Variants in SLC9A9 observed in about 807,000 individuals in gnomAD.
SLC9A9 encodes sodium/hydrogen exchanger 9.
A neutral mutation model predicts 77.8 loss-of-function variants in SLC9A9; 62 were observed. The ratio of observed to expected loss-of-function variants is 0.80; its 90% CI spans 0.65 to 0.98. The LOEUF is 0.98. Ranked by LOEUF, SLC9A9 falls within the 50% of genes least tolerant of loss-of-function variation. The probability of loss-of-function intolerance (pLI) is 0.00; values close to 1 mark genes in which losing one functional copy is unlikely to be tolerated. For missense variants in SLC9A9, 775 were observed against 774.9 expected, an observed-to-expected ratio of 1.00 and a Z score of 0.00; for synonymous variants, 320 against 283.5, an observed-to-expected ratio of 1.13 and a Z score of -1.29.
intron 9 of SLC9A9, among the ~76,000 whole-genome samples, chr3:143,536,290 G>A (rs2036587667): frequency 6.6e-6 from 1 of 152,150 alleles, no homozygotes; most frequent in Non-Finnish European, 1.5e-5. Context: ...TCCCACCCAT[G>A]TTTACTTGTG....
chr3:143,368,251 G>A (rs934987634), intron 13 of SLC9A9, among the ~76,000 whole-genome samples: 2 of 152,084 alleles, frequency 1.3e-5, no homozygotes, highest in African/African-American at 2.4e-5. Context: ...CTCTAGAGAG[G>A]GAGCAACAGA....
intron 4 of SLC9A9, among the ~76,000 whole-genome samples, chr3:143,783,473 C>T (rs900524662): frequency 2.6e-5 from 4 of 152,068 alleles, no homozygotes; most frequent in South Asian, 4.1e-4. Flanking sequence ...AGTGTGGTCT[C>T]GCAGTCCTAC....
intron 14 of SLC9A9, among the ~76,000 whole-genome samples, chr3:143,297,636 A>G (rs1135438): frequency 0.76 from 115,174 of 152,190 alleles, 44,639 homozygotes; most frequent in African/African-American, 0.9. Context: ...TCTAATTCAT[A>G]AACACAGCAT....
At chr3:143,593,393 C>A (rs115974351) in intron 6 of SLC9A9, among the ~76,000 whole-genome samples, 1 of 152,336 alleles carries the variant, frequency 6.6e-6, no homozygotes, top group Non-Finnish European at 1.5e-5. Context: ...GTACTATACT[C>A]CCCAGGTGGA....
At chr3:143,464,233 CAAG>C (rs1294764021) in intron 12 of SLC9A9, among the ~76,000 whole-genome samples, 1 of 152,068 alleles carries the variant, frequency 6.6e-6, no homozygotes, top group African/African-American at 2.4e-5. Flanking sequence ...AAGAGTCTGA[CAAG>C]AAAGTTGGTT....
chr3:143,824,424 A>G (rs2009248030), intron 2 of SLC9A9, among the ~76,000 whole-genome samples: 1 of 152,260 alleles, frequency 6.6e-6, no homozygotes, highest in Non-Finnish European at 1.5e-5. Context: ...TCCCCACTTC[A>G]TTAGGACTCA....
chr3:143,654,981 G>A (rs1234912642), intron 5 of SLC9A9, among the ~76,000 whole-genome samples: 3 of 152,182 alleles, frequency 2.0e-5, no homozygotes, highest in Non-Finnish European at 2.9e-5. Flanking sequence ...TTTCATAAAC[G>A]ATGTCCCACA....
chr3:143,542,227 T>C (rs1384977555), intron 9 of SLC9A9, among the ~76,000 whole-genome samples: 2 of 152,204 alleles, frequency 1.3e-5, no homozygotes, highest in Non-Finnish European at 2.9e-5. Context: ...CCAGCTTAGC[T>C]AAGGAGAAAT....
At position 143,555,288 on chromosome 3, in the gene SLC9A9, C is replaced by T. The variant is rs150652180; in HGVS notation, c.1001-2838G>A. ...CATGATTGTGAGGCCTCCCCAGCTA[C>T]GTGGAACTTTGAGTCCATTAAACCT... is the stretch of plus-strand genomic sequence containing the variant. On this transcript the variant is annotated intron_variant, in intron 8 of 15. Transcript: ENST00000316549. Among the ~76,000 whole-genome samples, 341 of 152,298 alleles carry T rather than the reference C, an allele frequency of 2.2e-3. 2 individuals are homozygous for T. The highest frequency in any genetic ancestry group is 7.6e-3 in the African/African-American group (316 of 41,562).
chr3:143,509,412 C>A (rs2036077975), intron 9 of SLC9A9, among the ~76,000 whole-genome samples: 1 of 152,100 alleles, frequency 6.6e-6, no homozygotes, highest in African/African-American at 2.4e-5. Context: ...TCTTATTTTA[C>A]AACGATTAAG....
chr3:143,716,598 G>A (rs1934359199), intron 4 of SLC9A9, among the ~76,000 whole-genome samples: 1 of 152,132 alleles, frequency 6.6e-6, no homozygotes, highest in Admixed American at 6.5e-5. Flanking sequence ...GAGGAAGAAG[G>A]ACACTCAGAA....
At chr3:143,813,093 G>A (rs894263398) in intron 2 of SLC9A9, among the ~76,000 whole-genome samples, 6 of 152,050 alleles carry the variant, frequency 3.9e-5, no homozygotes, top group African/African-American at 1.4e-4. Context: ...AGGGACTAGG[G>A]GTGACCTTCT....
chr3:143,592,544 C>G (rs1334672861), intron 6 of SLC9A9, among the ~76,000 whole-genome samples: 1 of 152,160 alleles, frequency 6.6e-6, no homozygotes, highest in Admixed American at 6.5e-5. Flanking sequence ...AATGATAGAT[C>G]AGAAAGACTG....
chr3:143,670,300 C>CGGA (rs1163680572), intron 5 of SLC9A9, among the ~76,000 whole-genome samples: 5 of 152,278 alleles, frequency 3.3e-5, no homozygotes, highest in Admixed American at 6.5e-5. Context: ...CCAAATCATG[C>CGGA]GGATGGAGCC....
intron 11 of SLC9A9, among the ~76,000 whole-genome samples, chr3:143,471,662 CT>C (rs1208962326): frequency 6.6e-6 from 1 of 151,952 alleles, no homozygotes; most frequent in Non-Finnish European, 1.5e-5. Flanking sequence ...CTTTCTTTTT[CT>C]TTTTGTTTTG....
intron 14 of SLC9A9, among the ~76,000 whole-genome samples, chr3:143,295,117 A>C (rs1455335750): frequency 6.6e-6 from 1 of 152,204 alleles, no homozygotes; most frequent in Admixed American, 6.5e-5. Flanking sequence ...TTTGACAAAA[A>C]GTTAAAATAA....
intron 6 of SLC9A9, among the ~76,000 whole-genome samples, chr3:143,646,035 G>A (rs867206648): frequency 3.9e-5 from 6 of 151,906 alleles, no homozygotes; most frequent in Middle Eastern, 6.8e-3. Flanking sequence ...TTCTATCATG[G>A]GTAGCAAAAG....
chr3:143,299,910 A>T (rs1048995942), intron 14 of SLC9A9, among the ~76,000 whole-genome samples: 6 of 152,228 alleles, frequency 3.9e-5, no homozygotes, highest in Admixed American at 1.3e-4. Context: ...TAGGTCACTT[A>T]AACTTTAGAA....
chr3:143,710,719 T>A (rs1176297499), intron 4 of SLC9A9, among the ~76,000 whole-genome samples: 25 of 152,240 alleles, frequency 1.6e-4, no homozygotes, highest in Non-Finnish European at 2.4e-4. Flanking sequence ...TTTTTGCAGA[T>A]TCTCTGCTGT....
Sources: allele counts gnomAD v4.1 joint callset (sites outside exome capture counted in the v4.1 genomes callset), GRCh38; gene constraint gnomAD v4.1.1; transcripts MANE v1.5; gene names NCBI Gene and HGNC (gene_info 2026-07-23, HGNC 2026-07-21).